Variants in PTPRT observed in about 807,000 individuals in gnomAD.
The protein encoded by PTPRT is protein tyrosine phosphatase receptor type T, also known as receptor-type tyrosine-protein phosphatase T.
In PTPRT, 56 loss-of-function variants were observed where a neutral mutation model predicts 176.8. That is an observed-to-expected ratio of 0.32 (90% CI 0.26 to 0.40). PTPRT has a LOEUF of 0.40. PTPRT is among the 10% of genes least tolerant of loss of function. PTPRT has a pLI of 1.00. For missense variants in PTPRT, 1,540 were observed against 1,908.2 expected (o/e 0.81, Z 3.60); for synonymous variants, 783 against 739.0 (o/e 1.06, Z -0.96).
intron 27 of PTPRT, among the ~76,000 whole-genome samples, chr20:42,086,741 A>ATATATATATATATATATATATATAT (rs1311915259): frequency 2.6e-5 from 1 of 37,956 alleles, no homozygotes; most frequent in Admixed American, 2.1e-4. Flanking sequence ...AAAAAAAAAA[A>ATATATATATATATATATATATATAT]AAAAAAAAAA....
intron 6 of PTPRT, among the ~76,000 whole-genome samples, chr20:42,698,410 A>T (rs1043193292): frequency 6.6e-6 from 1 of 152,160 alleles, no homozygotes; most frequent in African/African-American, 2.4e-5. Flanking sequence ...CCACACCTAA[A>T]TGGCAAACGC....
rs1199652683 is a variant in PTPRT at position 42,413,237 on chromosome 20, T to A, written c.1560+34983A>T. On this transcript the variant is annotated intron_variant, in intron 9 of 30. Coordinates refer to ENST00000373187, the MANE Select transcript of PTPRT (RefSeq NM_007050.6). The stretch of plus-strand genomic sequence containing the variant: ...CACATGGAAAAGCTAAATAAATCAA[T>A]AATCATAAAATGAACTAAAACACAT... Among the ~76,000 whole-genome samples, 2 of 152,074 alleles carry A rather than the reference T, an allele frequency of 1.3e-5. 1 individual carries two copies. The highest frequency in any genetic ancestry group is 4.1e-4 in the South Asian group (2 of 4,830).
intron 13 of PTPRT, among the ~76,000 whole-genome samples, chr20:42,263,544 C>T (rs943424669): frequency 1.3e-5 from 2 of 151,660 alleles, no homozygotes; most frequent in Non-Finnish European, 2.9e-5. Context: ...CCACACCTGG[C>T]TAATTTTTGT....
At chr20:43,061,615 T>C (rs1292312337) in intron 1 of PTPRT, among the ~76,000 whole-genome samples, 1 of 152,248 alleles carries the variant, frequency 6.6e-6, no homozygotes, top group Non-Finnish European at 1.5e-5. Context: ...GCATAGTAAT[T>C]GCCAATATCT....
intron 1 of PTPRT, among the ~76,000 whole-genome samples, chr20:42,949,111 A>G (rs1470557284): frequency 6.6e-6 from 1 of 152,198 alleles, no homozygotes; most frequent in African/African-American, 2.4e-5. Context: ...GAAACTTGGG[A>G]TGCTTCAACG....
At chr20:43,126,292 A>C (rs1415609515) in intron 1 of PTPRT, among the ~76,000 whole-genome samples, 1 of 152,070 alleles carries the variant, frequency 6.6e-6, no homozygotes, top group Non-Finnish European at 1.5e-5. Context: ...TGGAGGTTGC[A>C]GTGAGCCAAC....
chr20:42,454,404 T>C (rs2070885563), intron 8 of PTPRT, among the ~76,000 whole-genome samples: 1 of 152,228 alleles, frequency 6.6e-6, no homozygotes, highest in African/African-American at 2.4e-5. Context: ...ATCTTTGTTT[T>C]TACAGTGTAA....
the PTPRT span, among the ~76,000 whole-genome samples, chr20:42,037,015 C>T: frequency 1.3e-5 from 2 of 152,146 alleles, no homozygotes; most frequent in Admixed American, 6.5e-5. Context: ...TGAAGCAACC[C>T]TCCCTCAGAG....
intron 2 of PTPRT, among the ~76,000 whole-genome samples, chr20:42,820,647 T>C (rs966932794): frequency 1.3e-5 from 2 of 151,076 alleles, no homozygotes; most frequent in African/African-American, 4.9e-5. Flanking sequence ...TTCGAAAAAA[T>C]TAACAAAATA....
intron 1 of PTPRT, among the ~76,000 whole-genome samples, chr20:42,986,996 C>T (rs1245231121): frequency 6.6e-6 from 1 of 152,170 alleles, no homozygotes; most frequent in Non-Finnish European, 1.5e-5. Context: ...CACACTGACT[C>T]CCGCTTCAGC....
At chr20:42,268,079 A>T (rs2056869358) in intron 13 of PTPRT, among the ~76,000 whole-genome samples, 1 of 152,134 alleles carries the variant, frequency 6.6e-6, no homozygotes, top group Non-Finnish European at 1.5e-5. Context: ...GTTGGTGCTG[A>T]TATGAAAAGA....
intron 9 of PTPRT, among the ~76,000 whole-genome samples, chr20:42,353,525 T>C (rs2058316486): frequency 6.6e-6 from 1 of 152,180 alleles, no homozygotes; most frequent in Non-Finnish European, 1.5e-5. Context: ...TGTGGAATGA[T>C]TTGTGTCTAC....
intron 1 of PTPRT, among the ~76,000 whole-genome samples, chr20:42,964,357 A>C (rs1982174118): frequency 6.6e-6 from 1 of 152,170 alleles, no homozygotes; most frequent in Non-Finnish European, 1.5e-5. Flanking sequence ...AGATGTACCA[A>C]TATCCATATC....
intron 2 of PTPRT, among the ~76,000 whole-genome samples, chr20:42,875,568 C>T (rs1384834545): frequency 6.6e-6 from 1 of 152,188 alleles, no homozygotes; most frequent in Non-Finnish European, 1.5e-5. Flanking sequence ...GGCATTCTGG[C>T]ATTTCTTTCT....
chr20:42,524,786 C>A (rs1295072828), intron 7 of PTPRT, among the ~76,000 whole-genome samples: 1 of 152,102 alleles, frequency 6.6e-6, no homozygotes, highest in East Asian at 1.9e-4. Flanking sequence ...TTATTCCCTT[C>A]ATGTTTTCCT....
chr20:42,530,461 C>G (rs887919156), intron 7 of PTPRT, among the ~76,000 whole-genome samples: 2 of 152,288 alleles, frequency 1.3e-5, no homozygotes, highest in South Asian at 4.1e-4. Flanking sequence ...GAGGTATAAA[C>G]TGCTGCGTGA....
chr20:42,247,351 T>C (rs2056470155), intron 14 of PTPRT, among the ~76,000 whole-genome samples: 1 of 152,162 alleles, frequency 6.6e-6, no homozygotes, highest in African/African-American at 2.4e-5. Context: ...TGACTGCATG[T>C]GTAGTGGGGA....
chr20:42,371,901 G>A (rs139008156), intron 9 of PTPRT, among the ~76,000 whole-genome samples: 1 of 152,208 alleles, frequency 6.6e-6, no homozygotes, highest in East Asian at 1.9e-4. Context: ...CACCTTAGAG[G>A]GATCATATGG....
At chr20:42,069,688 C>T (rs989123044), downstream of PTPRT, among the ~76,000 whole-genome samples, 1 of 152,144 alleles carries the variant, frequency 6.6e-6, no homozygotes, top group Admixed American at 6.5e-5. Flanking sequence ...TGTTGTTTTT[C>T]ATACATTTAT....
Sources: allele counts gnomAD v4.1 joint callset (sites outside exome capture counted in the v4.1 genomes callset), GRCh38; gene constraint gnomAD v4.1.1; transcripts MANE v1.5; gene names NCBI Gene and HGNC (gene_info 2026-07-23, HGNC 2026-07-21).